GYPC: variants seen among roughly 807,000 people sequenced by gnomAD.
The protein encoded by GYPC is glycophorin-C.
A neutral mutation model predicts 12.6 loss-of-function variants in GYPC; 14 were observed. The ratio of observed to expected loss-of-function variants is 1.11; its 90% CI spans 0.74 to 1.74. The LOEUF (loss-of-function observed/expected upper bound fraction) is 1.74, where lower values mean the gene tolerates loss of function less well. Among genes scored for constraint, GYPC ranks in the 40% most tolerant of loss-of-function variants. The probability of loss-of-function intolerance (pLI) is 0.00; values close to 1 mark genes in which losing one functional copy is unlikely to be tolerated. For missense variants in GYPC, 225 were observed against 172.1 expected (o/e 1.31, Z -1.72); for synonymous variants, 78 against 62.1 (o/e 1.26, Z -1.20).
chr2:126,656,423 G>T, intron 1 of GYPC, 111 bp downstream of exon 1: 2 of 923,034 alleles, frequency 2.2e-6, no homozygotes, highest in South Asian at 1.5e-5. Flanking sequence ...GTCCGTGCCG[G>T]GCCTCCAGGC....
intron 1 of GYPC, among the ~76,000 whole-genome samples, chr2:126,665,254 TGAGA>T (rs28387107): frequency 6.6e-6 from 1 of 151,418 alleles, no homozygotes; most frequent in Non-Finnish European, 1.5e-5. Context: ...AGTAAGATAC[TGAGA>T]GAGAGAGAGA....
At chr2:126,677,765 C>T (rs1186598981) in intron 1 of GYPC, among the ~76,000 whole-genome samples, 1 of 152,160 alleles carries the variant, frequency 6.6e-6, no homozygotes, top group East Asian at 1.9e-4. Flanking sequence ...AGCACCAGGA[C>T]TTACTGTCAA....
chr2:126,683,396 C>G (rs1296336281), intron 1 of GYPC, among the ~76,000 whole-genome samples: 2 of 152,118 alleles, frequency 1.3e-5, no homozygotes, highest in Non-Finnish European at 2.9e-5. Flanking sequence ...AGTCCTCTCC[C>G]CAGTGGTGGA....
At chr2:126,683,941 C>T (rs139935596) in intron 1 of GYPC, among the ~76,000 whole-genome samples, 1 of 152,312 alleles carries the variant, frequency 6.6e-6, no homozygotes, top group African/African-American at 2.4e-5. Context: ...TCCCCCCTCA[C>T]CTTTGCAGGC....
At chr2:126,659,709 G>A (rs754980686) in intron 1 of GYPC, among the ~76,000 whole-genome samples, 4 of 151,948 alleles carry the variant, frequency 2.6e-5, no homozygotes, top group Non-Finnish European at 5.9e-5. Flanking sequence ...CCGAGCCCTG[G>A]TAAGGGGCTT....
At chr2:126,690,464 G>C (rs1035017420) in intron 2 of GYPC, among the ~76,000 whole-genome samples, 153 bp downstream of exon 2, 3 of 152,122 alleles carry the variant, frequency 2.0e-5, no homozygotes, top group Non-Finnish European at 4.4e-5. Flanking sequence ...GGGTGGCTGT[G>C]GCCATTTTTT....
In GYPC at chr2:126,696,178, C is replaced by A. The variant is rs752050940; in HGVS notation, c.*36C>A. On this transcript the variant is annotated 3_prime_UTR_variant, in exon 4 of 4. Coordinates refer to ENST00000259254, the MANE Select transcript of GYPC (RefSeq NM_002101.5). ...ACTTCACTTCCCTGAATGCCTCCCCCATCTCCATCAGGAAAAATACACCCC... is the reference window on the plus strand; with the variant it reads ...ACTTCACTTCCCTGAATGCCTCCCCAATCTCCATCAGGAAAAATACACCCC... 4.7e-6 allele frequency: 7 copies of A among 1,479,268 alleles called. No homozygotes were observed. Among genetic ancestry groups the A allele is most frequent in the Admixed American group, 3.4e-5 (2 of 58,664 alleles). 91.6% of individuals were successfully genotyped at this position (1,479,268 alleles called of 1,614,324 possible). A position where few individuals can be genotyped will look rare whatever the true frequency, so the allele number is the denominator to read the frequency against.
chr2:126,665,043 A>G (rs1682642191), intron 1 of GYPC, among the ~76,000 whole-genome samples: 2 of 152,182 alleles, frequency 1.3e-5, no homozygotes, highest in African/African-American at 4.8e-5. Flanking sequence ...TCAGAAGAAT[A>G]GGCTACTCTT....
chr2:126,691,042 T>C (rs923526281), intron 2 of GYPC, among the ~76,000 whole-genome samples: 1 of 151,946 alleles, frequency 6.6e-6, no homozygotes, highest in Admixed American at 6.6e-5. Flanking sequence ...CCACTGAGCT[T>C]TTATTCTTCC....
intron 1 of GYPC, among the ~76,000 whole-genome samples, chr2:126,669,655 G>A (rs1682785590): frequency 6.6e-6 from 1 of 152,192 alleles, no homozygotes; most frequent in South Asian, 2.1e-4. Context: ...GCGAAATGAA[G>A]CTTGTCACTC....
chr2:126,664,566 T>C (rs996149688), intron 1 of GYPC, among the ~76,000 whole-genome samples: 1 of 152,210 alleles, frequency 6.6e-6, no homozygotes, highest in African/African-American at 2.4e-5. Flanking sequence ...AGGAAGGAAA[T>C]GAACCTCTAA....
At chr2:126,685,923 G>T (rs1485252803) in intron 1 of GYPC, 3 of 985,232 alleles carry the variant, frequency 3.0e-6, no homozygotes, top group East Asian at 2.3e-4. Flanking sequence ...AGGTGTTCTA[G>T]TCTGAAGCCA....
chr2:126,669,912 C>A (rs1284176381), intron 1 of GYPC, among the ~76,000 whole-genome samples: 1 of 152,126 alleles, frequency 6.6e-6, no homozygotes, highest in Non-Finnish European at 1.5e-5. Context: ...TCTGAGGTTG[C>A]AACATCCCAG....
chr2:126,677,950 A>T (rs773130737), intron 1 of GYPC, among the ~76,000 whole-genome samples: 7 of 152,236 alleles, frequency 4.6e-5, no homozygotes, highest in Admixed American at 1.3e-4. Flanking sequence ...GGCCGGGTGC[A>T]GCGGCTCACG....
At chr2:126,665,530 A>G (rs1682655034) in intron 1 of GYPC, among the ~76,000 whole-genome samples, 1 of 152,184 alleles carries the variant, frequency 6.6e-6, no homozygotes, top group African/African-American at 2.4e-5. Context: ...TGGCAGCTCG[A>G]AGGGAGATTA....
At chr2:126,680,341 G>T (rs910890010) in intron 1 of GYPC, 2 of 152,172 alleles carry the variant, frequency 1.3e-5, no homozygotes, top group African/African-American at 4.8e-5. Context: ...TTCAGTGTAG[G>T]GTTTCCCTCC....
At chr2:126,662,323 C>T (rs28387099) in intron 1 of GYPC, among the ~76,000 whole-genome samples, 196 of 152,318 alleles carry the variant, frequency 1.3e-3, no homozygotes, top group African/African-American at 3.4e-3. Context: ...TTGAGAAACT[C>T]ATCCAGTGCT....
At chr2:126,670,287 C>T (rs1270087916) in intron 1 of GYPC, among the ~76,000 whole-genome samples, 3 of 152,204 alleles carry the variant, frequency 2.0e-5, no homozygotes, top group Non-Finnish European at 4.4e-5. Flanking sequence ...TGGGACACCC[C>T]GATTCCACCC....
rs567745508 is a variant in GYPC, at chr2:126,661,873, T to C, written c.49+5561T>C. On this transcript the variant is annotated intron_variant, in intron 1 of 3. Transcript: ENST00000259254. Reference sequence around the variant, plus strand: ...GGGGAGGAAGCTCCGCTTCGGGGCATGTAGAGCCAGCCCTGGGCAGGGTGG... The same window carrying C: ...GGGGAGGAAGCTCCGCTTCGGGGCACGTAGAGCCAGCCCTGGGCAGGGTGG... Among the ~76,000 whole-genome samples the C allele has an allele frequency of 1.2e-4, 18 of 152,324 alleles. No homozygotes were observed. The East Asian group carries it at 3.3e-3, about 28-fold the overall frequency.
Sources: gnomAD v4.1 joint callset for allele counts (sites outside exome capture counted in the v4.1 genomes callset) on GRCh38, gnomAD v4.1.1 for gene constraint, MANE v1.5 for transcripts, NCBI Gene and HGNC (gene_info 2026-07-23, HGNC 2026-07-21) for gene names.